MTAP: variants seen among roughly 807,000 people sequenced by gnomAD.
MTAP encodes the protein methylthioadenosine phosphorylase, also known as S-methyl-5'-thioadenosine phosphorylase.
A neutral mutation model predicts 33.6 loss-of-function variants in MTAP; 33 were observed. That is an observed-to-expected ratio of 0.98 (90% CI 0.74 to 1.31). The LOEUF is 1.31. Ranked by LOEUF, MTAP falls within the 40% of genes most tolerant of loss-of-function variation. The pLI is 0.00. For missense variants in MTAP, 367 were observed against 360.0 expected, an observed-to-expected ratio of 1.02 and a Z score of -0.16; for synonymous variants, 148 against 125.7, an observed-to-expected ratio of 1.18 and a Z score of -1.19.
intron 1 of MTAP, among the ~76,000 whole-genome samples, chr9:21,888,505 T>C (rs1818149530): frequency 6.6e-6 from 1 of 152,162 alleles, no homozygotes; most frequent in African/African-American, 2.4e-5. Flanking sequence ...ACCTCCAGTG[T>C]TAGGCGTATA....
At chr9:21,828,360 G>A (rs576862399) in intron 4 of MTAP, among the ~76,000 whole-genome samples, 1 of 152,254 alleles carries the variant, frequency 6.6e-6, no homozygotes, top group African/African-American at 2.4e-5. Flanking sequence ...TACAACAACA[G>A]GAGGAAAGAA....
At chr9:21,811,465 G>A (rs998735330) in intron 1 of MTAP, among the ~76,000 whole-genome samples, 1 of 151,906 alleles carries the variant, frequency 6.6e-6, no homozygotes, top group African/African-American at 2.4e-5. Context: ...TTTTTTCACT[G>A]TGAAAATGCT....
intron 1 of MTAP, among the ~76,000 whole-genome samples, chr9:21,927,148 A>G (rs1818882506): frequency 6.6e-6 from 1 of 152,218 alleles, no homozygotes; most frequent in Admixed American, 6.5e-5. Context: ...AAACCGTTTC[A>G]GCTTTTCATC....
intron 1 of MTAP, among the ~76,000 whole-genome samples, chr9:21,905,035 AAAG>A (rs1563865666): frequency 6.6e-6 from 1 of 152,140 alleles, no homozygotes; most frequent in African/African-American, 2.4e-5. Flanking sequence ...TACAGCTCCT[AAAG>A]CCCCAGTGGG....
chr9:21,915,942 GA>G, intron 1 of MTAP, among the ~76,000 whole-genome samples: 1 of 151,950 alleles, frequency 6.6e-6, no homozygotes, highest in Middle Eastern at 3.4e-3. Flanking sequence ...GGCTGAGATG[GA>G]AGGATCACTT....
intron 4 of MTAP, among the ~76,000 whole-genome samples, chr9:21,829,202 C>T (rs570395478): frequency 1.3e-5 from 2 of 152,232 alleles, no homozygotes; most frequent in South Asian, 4.2e-4. Flanking sequence ...CAGAGTCATA[C>T]CCACAGCCCC....
chr9:21,907,635 C>T (rs915158172), intron 1 of MTAP, among the ~76,000 whole-genome samples: 15 of 151,382 alleles, frequency 9.9e-5, no homozygotes, highest in African/African-American at 3.6e-4. Flanking sequence ...CCTTAAATTT[C>T]AGGGATATCC....
chr9:21,899,301 G>T (rs1414361349), intron 1 of MTAP, among the ~76,000 whole-genome samples: 1 of 151,822 alleles, frequency 6.6e-6, no homozygotes, highest in East Asian at 1.9e-4. Context: ...GTTAACGGGT[G>T]CAGCACACCA....
chr9:21,814,898 T>A (rs1390264589), intron 1 of MTAP, among the ~76,000 whole-genome samples: 1 of 152,216 alleles, frequency 6.6e-6, no homozygotes, highest in Non-Finnish European at 1.5e-5. Context: ...CTGCATTCTC[T>A]CCTAGCTCTG....
downstream of MTAP, chr9:21,934,131 AT>A (rs1819005988): frequency 6.6e-6 from 1 of 152,248 alleles, no homozygotes; most frequent in African/African-American, 2.4e-5. This position sits in a 1 kb window ranked among gnomAD's most constrained non-coding sequence, Gnocchi z 5.0. Flanking sequence ...ACATACAGAA[AT>A]TAGAAGTGAA....
At chr9:21,936,544 A>C (rs1819043613) in exon 8 of MTAP, 1 of 152,272 alleles carries the variant, frequency 6.6e-6, no homozygotes, top group South Asian at 2.1e-4. Context: ...TTAATTGCTT[A>C]ACATAAGTTA....
chr9:21,811,556 C>A, intron 1 of MTAP: 1 of 355,490 alleles, frequency 2.8e-6, no homozygotes, highest in Non-Finnish European at 5.6e-6. Flanking sequence ...TGTCATAGAA[C>A]AGATTGTGCG....
At chr9:21,868,809 C>T (rs570363886), downstream of MTAP, among the ~76,000 whole-genome samples, 1 of 152,276 alleles carries the variant, frequency 6.6e-6, no homozygotes, top group South Asian at 2.1e-4. Flanking sequence ...GATAGTGCTT[C>T]TCAAACGGGA....
chr9:21,812,515 C>G (rs529950245), intron 1 of MTAP, among the ~76,000 whole-genome samples: 3 of 152,378 alleles, frequency 2.0e-5, no homozygotes, highest in Non-Finnish European at 4.4e-5. Context: ...AATTCCATCT[C>G]AGGTCTTGAA....
At chr9:21,816,050 T>A (rs945768343) in intron 2 of MTAP, among the ~76,000 whole-genome samples, 2 of 152,250 alleles carry the variant, frequency 1.3e-5, no homozygotes, top group African/African-American at 2.4e-5. Flanking sequence ...CAAGCCCATG[T>A]CACTCAGCCT....
At chr9:21,898,045 T>C (rs903847187) in intron 1 of MTAP, among the ~76,000 whole-genome samples, 2 of 152,096 alleles carry the variant, frequency 1.3e-5, no homozygotes, top group African/African-American at 4.8e-5. Context: ...TATAGACCAA[T>C]GGAACAGAAT....
intron 1 of MTAP, among the ~76,000 whole-genome samples, chr9:21,925,436 G>A (rs1818853548): frequency 6.6e-6 from 1 of 152,138 alleles, no homozygotes; most frequent in South Asian, 2.1e-4. Flanking sequence ...TTACAACCAG[G>A]ACTAGGAGAA....
chr9:21,836,110 T>C (rs1016561349), intron 4 of MTAP, among the ~76,000 whole-genome samples: 3 of 152,142 alleles, frequency 2.0e-5, no homozygotes, highest in Admixed American at 2.0e-4. Flanking sequence ...TGAGCTGCTA[T>C]GAGTTATCTG....
chr9:21,845,291 C>T (rs1463357548), intron 5 of MTAP, among the ~76,000 whole-genome samples: 1 of 152,148 alleles, frequency 6.6e-6, no homozygotes, highest in Non-Finnish European at 1.5e-5. Context: ...CCTAAAGACT[C>T]ATCCAAAAAG....
Sources: allele counts gnomAD v4.1 joint callset (sites outside exome capture counted in the v4.1 genomes callset), GRCh38; gene constraint gnomAD v4.1.1; non-coding constraint Gnocchi (gnomAD v3.1); transcripts MANE v1.5; gene names NCBI Gene and HGNC (gene_info 2026-07-23, HGNC 2026-07-21).